Variants in AGBL4 observed in about 807,000 individuals in gnomAD.
AGBL4 encodes AGBL carboxypeptidase 4, also known as cytosolic carboxypeptidase 6.
A neutral mutation model predicts 66.4 loss-of-function variants in AGBL4; 58 were observed. The ratio of observed to expected loss-of-function variants is 0.87; its 90% CI spans 0.71 to 1.09. The LOEUF (loss-of-function observed/expected upper bound fraction) is 1.09, where lower values mean the gene tolerates loss of function less well. Among genes scored for constraint, AGBL4 ranks in the 50% least tolerant of loss-of-function variants. The probability of loss-of-function intolerance (pLI) is 0.00; values close to 1 mark genes in which losing one functional copy is unlikely to be tolerated. For missense variants in AGBL4, 579 were observed against 631.0 expected (o/e 0.92, Z 0.88); for synonymous variants, 234 against 222.9 (o/e 1.05, Z -0.44).
chr1:49,449,726 T>A (rs568674179), intron 3 of AGBL4, among the ~76,000 whole-genome samples: 66 of 152,134 alleles, frequency 4.3e-4, no homozygotes, highest in African/African-American at 1.3e-3. Context: ...CCAATTTTTT[T>A]AAATTTCTGG....
intron 3 of AGBL4, among the ~76,000 whole-genome samples, chr1:49,309,378 C>A (rs1570402985): frequency 6.6e-6 from 1 of 152,026 alleles, no homozygotes; most frequent in Admixed American, 6.6e-5. Flanking sequence ...CCAAAATATG[C>A]TGATTCACTG....
At chr1:49,235,795 A>G (rs1264002091) in intron 4 of AGBL4, among the ~76,000 whole-genome samples, 1 of 152,146 alleles carries the variant, frequency 6.6e-6, no homozygotes, top group Non-Finnish European at 1.5e-5. Flanking sequence ...TATGAAAATC[A>G]TCTAGAGTGG....
intron 9 of AGBL4, among the ~76,000 whole-genome samples, chr1:48,611,161 C>T (rs1334629991): frequency 2.0e-5 from 3 of 152,254 alleles, no homozygotes; most frequent in African/African-American, 7.2e-5. Flanking sequence ...ATAGGCCGCC[C>T]AGCCCTCTGG....
chr1:49,652,225 A>G (rs1350764723), intron 3 of AGBL4, among the ~76,000 whole-genome samples: 1 of 152,218 alleles, frequency 6.6e-6, no homozygotes, highest in African/African-American at 2.4e-5. Context: ...AATGATGTAC[A>G]GGCATTTCAG....
chr1:49,012,170 C>A (rs963937109), intron 5 of AGBL4, among the ~76,000 whole-genome samples: 2 of 151,962 alleles, frequency 1.3e-5, no homozygotes, highest in African/African-American at 4.8e-5. Context: ...GTGTGGAGGC[C>A]GTTCAGAGTA....
intron 11 of AGBL4, among the ~76,000 whole-genome samples, chr1:48,556,205 GCCTTAAACT>G (rs1387145662): frequency 6.6e-6 from 1 of 152,116 alleles, no homozygotes; most frequent in Non-Finnish European, 1.5e-5. Context: ...TATGAGGCTG[GCCTTAAACT>G]CCCCATGAGG....
chr1:49,853,393 AAAAT>A (rs1294377189), intron 1 of AGBL4, among the ~76,000 whole-genome samples: 1 of 152,192 alleles, frequency 6.6e-6, no homozygotes, highest in Non-Finnish European at 1.5e-5. Context: ...GGACAGCTGA[AAAAT>A]AAATCAGTAA....
chr1:50,023,357 C>G (rs932004249), intron 1 of AGBL4, among the ~76,000 whole-genome samples: 2 of 152,162 alleles, frequency 1.3e-5, no homozygotes, highest in Admixed American at 6.5e-5. Flanking sequence ...CTACTCCCAC[C>G]CCGAGCCCAA....
chr1:48,768,642 T>C (rs1644650917), intron 6 of AGBL4, among the ~76,000 whole-genome samples: 1 of 152,154 alleles, frequency 6.6e-6, no homozygotes, highest in African/African-American at 2.4e-5. Flanking sequence ...TGTCTTAACT[T>C]CCATTTGACA....
intron 3 of AGBL4, among the ~76,000 whole-genome samples, chr1:49,484,313 C>A (rs1295582835): frequency 6.6e-6 from 1 of 152,060 alleles, no homozygotes; most frequent in Non-Finnish European, 1.5e-5. Context: ...TTTATTTCAG[C>A]ACTATTGTCA....
intron 4 of AGBL4, among the ~76,000 whole-genome samples, chr1:49,174,428 T>C (rs1248083833): frequency 6.6e-6 from 1 of 152,146 alleles, no homozygotes; most frequent in East Asian, 1.9e-4. Context: ...ATTTCTCCCA[T>C]AAAATTAAAA....
At chr1:49,760,568 T>C (rs1652229580) in intron 2 of AGBL4, among the ~76,000 whole-genome samples, 1 of 152,222 alleles carries the variant, frequency 6.6e-6, no homozygotes. Context: ...CTTACATTGT[T>C]GGTGGAAATG....
At chr1:49,127,685 A>G (rs1290255168) in intron 4 of AGBL4, among the ~76,000 whole-genome samples, 1 of 152,118 alleles carries the variant, frequency 6.6e-6, no homozygotes, top group Non-Finnish European at 1.5e-5. Flanking sequence ...TCAAGTTTGA[A>G]CAGTGGAAAT....
At chr1:48,611,368 C>T (rs549990304) in intron 9 of AGBL4, among the ~76,000 whole-genome samples, 53 of 152,344 alleles carry the variant, frequency 3.5e-4, no homozygotes, top group African/African-American at 1.1e-3. Context: ...TGAGCCAATG[C>T]TGATCTTGCC....
intron 4 of AGBL4, among the ~76,000 whole-genome samples, chr1:49,133,926 T>TAC (rs1406340817): frequency 2.0e-5 from 3 of 152,088 alleles, no homozygotes; most frequent in African/African-American, 7.2e-5. Context: ...TATATTCTAA[T>TAC]ACATATATAT....
At chr1:49,237,538 A>T (rs1257277038) in intron 4 of AGBL4, among the ~76,000 whole-genome samples, 60 of 2,860 alleles carry the variant, frequency 0.021, 4 homozygotes, top group African/African-American at 0.028. Context: ...ATATATATAT[A>T]TATATATATA....
chr1:48,792,063 G>A (rs972158913), intron 6 of AGBL4, among the ~76,000 whole-genome samples: 2 of 152,194 alleles, frequency 1.3e-5, no homozygotes, highest in African/African-American at 4.8e-5. Context: ...GGTCTTTGCA[G>A]ATATAATCAA....
chr1:48,800,382 T>A (rs565477823), intron 6 of AGBL4, among the ~76,000 whole-genome samples: 1 of 152,342 alleles, frequency 6.6e-6, no homozygotes, highest in East Asian at 1.9e-4. Context: ...ATTTGGATCA[T>A]CTCTGTTCTT....
intron 4 of AGBL4, among the ~76,000 whole-genome samples, chr1:49,085,793 G>A (rs1333851169): frequency 2.0e-5 from 3 of 152,122 alleles, no homozygotes; most frequent in African/African-American, 7.2e-5. Context: ...GACTAAAAAT[G>A]GGAGACCCTC....
Sources: gnomAD v4.1 joint callset for allele counts (sites outside exome capture counted in the v4.1 genomes callset) on GRCh38, gnomAD v4.1.1 for gene constraint, MANE v1.5 for transcripts, NCBI Gene and HGNC (gene_info 2026-07-23, HGNC 2026-07-21) for gene names.